The following RYR2 variants were observed in gnomAD, a reference collection of about 807,000 sequenced individuals.
RYR2 encodes cardiac muscle ryanodine receptor-calcium release channel.
A neutral mutation model predicts 601.1 loss-of-function variants in RYR2; 227 were observed. That is an observed-to-expected ratio of 0.38 (90% confidence interval 0.34 to 0.42). The LOEUF is 0.42. RYR2 is among the 10% of genes least tolerant of loss of function. RYR2 has a pLI of 1.00. For synonymous variants in RYR2, 2,223 were observed against 2,175.1 expected, an observed-to-expected ratio of 1.02 and a Z score of -0.61; for missense variants, 4,646 against 6,156.5, an observed-to-expected ratio of 0.75 and a Z score of 8.21.
chr1:237,258,050 C>T (rs908937403), intron 1 of RYR2, among the ~76,000 whole-genome samples: 3 of 151,516 alleles, frequency 2.0e-5, no homozygotes, highest in Non-Finnish European at 2.9e-5. Context: ...TGCCTGTAAT[C>T]CCAGCTACTC....
chr1:237,610,880 A>C lies in RYR2; in HGVS notation c.4802A>C (p.Asn1601Thr). Reference protein sequence around the residue: ...LSHVLWSRMPNQFLKVDVSRI... With the variant: ...LSHVLWSRMPTQFLKVDVSRI... ...CACGTCCTGTGGAGCAGAATGCCCA[A>C]CCAGTTTTTGAAGGTAGATGTGTCT... Residue 1601 changes from asparagine (N) to threonine (T), a missense_variant, in exon 36 of 105, where the codon AAC becomes ACC. This residue lies in a region of RYR2 where 1,807 missense variants were observed against 2,088.1 expected (regional missense o/e 0.87). Coordinates refer to ENST00000366574, the MANE Select transcript of RYR2 (RefSeq NM_001035.3). This position sits in a 1 kb window ranked among gnomAD's most constrained non-coding sequence, Gnocchi z 4.9. 1 of 1,613,474 alleles carries C rather than the reference A, an allele frequency of 6.2e-7. No homozygotes were observed. The highest frequency in any genetic ancestry group is 8.5e-7 in the Non-Finnish European group (1 of 1,179,730).
chr1:237,632,762 A>T (rs1194859959), intron 42 of RYR2, among the ~76,000 whole-genome samples: 1 of 55,496 alleles, frequency 1.8e-5, no homozygotes, highest in Admixed American at 1.8e-4. Flanking sequence ...ATAGTATAAT[A>T]AAAAAAAACT....
At chr1:237,709,229 G>A (rs886216185) in intron 69 of RYR2, 131 bp downstream of exon 69, 20 of 893,298 alleles carry the variant, frequency 2.2e-5, no homozygotes, top group Middle Eastern at 6.8e-4. Flanking sequence ...ACTGTTTATA[G>A]GCAAGTTAAT....
rs1688619371 is a variant in RYR2, at chr1:237,709,159, T to C, written c.10142+61T>C. On this transcript the variant is annotated intron_variant, in intron 69 of 104. Transcript: ENST00000366574. Reference sequence around the variant, plus strand: ...CGGTCATAACGTTTCTTGGCTCACATGTCCTTGTTCAATCGCTTCATTCAC... The same window carrying C: ...CGGTCATAACGTTTCTTGGCTCACACGTCCTTGTTCAATCGCTTCATTCAC... 5 of 1,430,854 alleles carry C rather than the reference T, an allele frequency of 3.5e-6. No individual in the cohort carries two copies. The South Asian group carries it at 7.2e-5, about 21-fold the overall frequency. The allele number at this position is 1,430,854 out of a possible 1,614,324, so 88.6% of individuals were successfully genotyped here. A position where few individuals can be genotyped will look rare whatever the true frequency, so the allele number is the denominator to read the frequency against.
chr1:237,506,399 G>A (rs767136037), intron 22 of RYR2, among the ~76,000 whole-genome samples: 3 of 152,018 alleles, frequency 2.0e-5, no homozygotes, highest in African/African-American at 4.8e-5. Context: ...TTAGCCGGGC[G>A]TAGTGGTGGG....
intron 63 of RYR2, among the ~76,000 whole-genome samples, chr1:237,694,562 A>G (rs990594220): frequency 6.6e-6 from 1 of 152,040 alleles, no homozygotes; most frequent in African/African-American, 2.4e-5. Flanking sequence ...AAAAAATCCT[A>G]TTTTTTTAGA....
chr1:237,167,443 G>T (rs1676834239), intron 1 of RYR2, among the ~76,000 whole-genome samples: 1 of 152,168 alleles, frequency 6.6e-6, no homozygotes, highest in African/African-American at 2.4e-5. Context: ...GTTTTGCTGA[G>T]TAGTATCTCT....
intron 21 of RYR2, among the ~76,000 whole-genome samples, chr1:237,502,059 G>A (rs567813865): frequency 2.8e-4 from 43 of 152,268 alleles, no homozygotes; most frequent in African/African-American, 1.0e-3. Context: ...CCGGGAGGCT[G>A]AGTTGGGAGG....
chr1:237,547,057 G>A (rs1378580658), intron 25 of RYR2, among the ~76,000 whole-genome samples: 1 of 148,898 alleles, frequency 6.7e-6, no homozygotes, highest in Non-Finnish European at 1.5e-5. Flanking sequence ...CCAGGCTGGA[G>A]AGCAGTGGCG....
intron 3 of RYR2, among the ~76,000 whole-genome samples, chr1:237,351,626 C>A (rs996016207): frequency 5.3e-5 from 8 of 151,752 alleles, no homozygotes; most frequent in Non-Finnish European, 1.0e-4. Context: ...AGTTTACCAA[C>A]CCTAACACTA....
chr1:237,499,876 T>C (rs1208710300), intron 20 of RYR2, among the ~76,000 whole-genome samples: 3 of 152,226 alleles, frequency 2.0e-5, no homozygotes, highest in Non-Finnish European at 4.4e-5. Context: ...TTTTCTTTCA[T>C]TGTGCAGTGA....
rs533759635 is a variant in RYR2, at chr1:237,166,022, CA to C, written c.49-104468del. ...AAAAATTTTTTAAAAATCCAATAAA[CA>C]AAAAAACCCACAAAAACTTTAAAGT... is the stretch of plus-strand genomic sequence containing the variant. On this transcript the variant is annotated intron_variant, in intron 1 of 104. Coordinates refer to ENST00000366574, the MANE Select transcript of RYR2 (RefSeq NM_001035.3). 3.6e-3 allele frequency among the ~76,000 whole-genome samples: 544 copies of C among 152,084 alleles called. 3 individuals are homozygous for C. Among genetic ancestry groups the C allele is most frequent in the African/African-American group, 0.012 (517 of 41,494 alleles).
chr1:237,571,605 G>A (rs1026898794), intron 29 of RYR2, among the ~76,000 whole-genome samples: 1 of 152,108 alleles, frequency 6.6e-6, no homozygotes. Context: ...GTGAGCCACT[G>A]CACCAGGCCT....
At chr1:237,590,121 T>C in intron 30 of RYR2, 120 bp downstream of exon 30, 1 of 900,290 alleles carries the variant, frequency 1.1e-6, no homozygotes, top group Non-Finnish European at 1.7e-6. Context: ...CCTTGATGTG[T>C]TATATAGTAG....
intron 95 of RYR2, 56 bp downstream of exon 95, chr1:237,794,053 A>G: frequency 6.7e-7 from 1 of 1,492,634 alleles, no homozygotes; most frequent in Admixed American, 1.8e-5. Context: ...ACATGAAAAT[A>G]TTTGGTTGGA....
intron 100 of RYR2, among the ~76,000 whole-genome samples, chr1:237,809,766 AGATT>A (rs1461937243): frequency 1.3e-5 from 2 of 152,196 alleles, no homozygotes; most frequent in African/African-American, 4.8e-5. Flanking sequence ...ATAGCCCAAA[AGATT>A]GATGAGAATG....
chr1:237,589,141 C>T (rs1036747035), intron 29 of RYR2, among the ~76,000 whole-genome samples: 5 of 152,106 alleles, frequency 3.3e-5, no homozygotes, highest in African/African-American at 9.7e-5. Flanking sequence ...TATAAATGTA[C>T]CTCATTCATG....
chr1:237,141,787 G>A (rs546678581), intron 1 of RYR2, among the ~76,000 whole-genome samples: 15 of 152,234 alleles, frequency 9.9e-5, no homozygotes, highest in Non-Finnish European at 1.6e-4. Context: ...CTATGTTCCC[G>A]GATCCTCTCC....
At chr1:237,177,773 G>A (rs747125451) in intron 1 of RYR2, among the ~76,000 whole-genome samples, 8 of 152,046 alleles carry the variant, frequency 5.3e-5, no homozygotes, top group Non-Finnish European at 1.2e-4. Context: ...TAATGTACAT[G>A]TACAAGAATT....
Sources: gnomAD v4.1 joint callset for allele counts (sites outside exome capture counted in the v4.1 genomes callset) on GRCh38, gnomAD v4.1.1 for gene constraint, gnomAD v4.1.1 regional missense constraint, Gnocchi (gnomAD v3.1) non-coding constraint, MANE v1.5 for transcripts, NCBI Gene and HGNC (gene_info 2026-07-23, HGNC 2026-07-21) for gene names.